The following DPP10 variants were observed in gnomAD, a reference collection of about 807,000 sequenced individuals.
DPP10 encodes inactive dipeptidyl peptidase 10.
Under a neutral mutation model 120.9 loss-of-function variants are expected in DPP10, and 33 were observed. That is an observed-to-expected ratio of 0.27 (90% CI 0.21 to 0.37). The LOEUF is 0.37. DPP10 is among the 10% of genes least tolerant of loss of function. The probability of loss-of-function intolerance (pLI) is 1.00; values close to 1 mark genes in which losing one functional copy is unlikely to be tolerated. For missense variants in DPP10, 816 were observed against 942.8 expected, an observed-to-expected ratio of 0.87 and a Z score of 1.76; for synonymous variants, 337 against 326.1, an observed-to-expected ratio of 1.03 and a Z score of -0.36.
chr2:114,605,527 G>A (rs785032), intron 1 of DPP10, among the ~76,000 whole-genome samples: 23,400 of 151,932 alleles, frequency 0.15, 2,909 homozygotes, highest in African/African-American at 0.35. Flanking sequence ...TACATATAAC[G>A]CACAAATATA....
intron 12 of DPP10, among the ~76,000 whole-genome samples, chr2:115,764,238 T>C (rs1159533154): frequency 6.6e-6 from 1 of 152,098 alleles, no homozygotes; most frequent in African/African-American, 2.4e-5. Flanking sequence ...AAGAAGAGCT[T>C]AATAGATACT....
At chr2:115,139,360 T>A (rs575009143) in intron 1 of DPP10, among the ~76,000 whole-genome samples, 59 of 152,268 alleles carry the variant, frequency 3.9e-4, no homozygotes, top group African/African-American at 6.3e-4. Context: ...TAGATTTTTT[T>A]AATTTTTAAG....
At chr2:114,618,989 C>T (rs1422601069) in intron 1 of DPP10, among the ~76,000 whole-genome samples, 1 of 151,962 alleles carries the variant, frequency 6.6e-6, no homozygotes, top group African/African-American at 2.4e-5. Context: ...GGAATTGCCA[C>T]TACTGATTAG....
intron 1 of DPP10, among the ~76,000 whole-genome samples, chr2:114,539,820 A>C (rs1686812970): frequency 6.6e-6 from 1 of 152,206 alleles, no homozygotes; most frequent in Non-Finnish European, 1.5e-5. Flanking sequence ...CATATACAGC[A>C]CTATATGTAG....
intron 1 of DPP10, among the ~76,000 whole-genome samples, chr2:114,780,815 T>A (rs576644926): frequency 2.2e-3 from 339 of 152,238 alleles, no homozygotes; most frequent in African/African-American, 7.7e-3. Context: ...TTATCTTTAG[T>A]ATCATGAATG....
intron 1 of DPP10, among the ~76,000 whole-genome samples, chr2:114,512,784 A>G (rs1053316439): frequency 2.0e-5 from 3 of 152,354 alleles, no homozygotes; most frequent in African/African-American, 7.2e-5. Flanking sequence ...TAAACTTCCC[A>G]GGTGCCAGTA....
chr2:115,605,979 G>A (rs939575490), intron 5 of DPP10, among the ~76,000 whole-genome samples: 1 of 152,056 alleles, frequency 6.6e-6, no homozygotes, highest in Non-Finnish European at 1.5e-5. Flanking sequence ...ATCACTAGAT[G>A]ATATTGTGTC....
At chr2:115,716,043 G>A (rs1434848809) in intron 7 of DPP10, among the ~76,000 whole-genome samples, 2 of 152,178 alleles carry the variant, frequency 1.3e-5, no homozygotes, top group Non-Finnish European at 2.9e-5. Flanking sequence ...CCTTTTAGAA[G>A]GATTAAGAGA....
At chr2:114,847,525 G>T (rs749002945) in intron 1 of DPP10, among the ~76,000 whole-genome samples, 15 of 152,090 alleles carry the variant, frequency 9.9e-5, no homozygotes, top group Non-Finnish European at 2.2e-4. Flanking sequence ...TTGTAACAGT[G>T]CCTAACACAT....
intron 1 of DPP10, among the ~76,000 whole-genome samples, chr2:114,545,988 C>T (rs1258266941): frequency 6.6e-6 from 1 of 152,016 alleles, no homozygotes; most frequent in Non-Finnish European, 1.5e-5. Context: ...TTTATATACT[C>T]ATATTGATGG....
intron 1 of DPP10, among the ~76,000 whole-genome samples, chr2:114,851,066 C>T (rs776162927): frequency 9.9e-5 from 15 of 152,168 alleles, no homozygotes; most frequent in Non-Finnish European, 1.0e-4. Flanking sequence ...ATTTTAATTT[C>T]GTACCTTGAC....
chr2:115,397,746 T>A (rs2067784719), intron 3 of DPP10, among the ~76,000 whole-genome samples: 2 of 152,330 alleles, frequency 1.3e-5, no homozygotes, highest in Admixed American at 1.3e-4. Context: ...TGGCTGTGAT[T>A]TTCCGGTTAC....
At chr2:114,633,860 T>G (rs961776989) in intron 1 of DPP10, among the ~76,000 whole-genome samples, 1 of 151,736 alleles carries the variant, frequency 6.6e-6, no homozygotes, top group African/African-American at 2.4e-5. Context: ...AGTGATCCGC[T>G]GGCCTTAGCC....
chr2:115,156,545 A>G lies in DPP10; in HGVS notation c.61-152694A>G, dbSNP rs182443775. 3.3e-5 allele frequency among the ~76,000 whole-genome samples: 5 copies of G among 152,340 alleles called. No homozygotes were observed. The East Asian group carries it at 9.6e-4, about 29-fold the overall frequency. On this transcript the variant is annotated intron_variant, in intron 1 of 25. Coordinates refer to ENST00000410059, the MANE Select transcript of DPP10 (RefSeq NM_020868.6). ...TCTTACAGTAGAATTTTCTCTTTCG[A>G]TTTGTAAAAGATTTTCTAGAATGGG...
chr2:115,372,972 T>C (rs371743635), intron 3 of DPP10, among the ~76,000 whole-genome samples: 51 of 152,348 alleles, frequency 3.3e-4, no homozygotes, highest in African/African-American at 1.2e-3. Flanking sequence ...TTGTTGATGC[T>C]GTCAAGTTAT....
intron 1 of DPP10, among the ~76,000 whole-genome samples, chr2:114,604,506 C>A (rs139279760): frequency 1.3e-5 from 2 of 152,166 alleles, no homozygotes; most frequent in African/African-American, 2.4e-5. Context: ...AGGCAATGAA[C>A]AATCTACCAA....
Position 115,316,343 on chromosome 2 carries a change from T to C in DPP10, c.175+6990T>C, listed in dbSNP as rs1574398061. 2.6e-5 allele frequency among the ~76,000 whole-genome samples: 4 copies of C among 152,334 alleles called. No individual in the cohort carries two copies. In the East Asian group the frequency reaches 7.7e-4, roughly 29 times the overall value. On this transcript the variant is annotated intron_variant, in intron 2 of 25. Coordinates refer to ENST00000410059, the MANE Select transcript of DPP10 (RefSeq NM_020868.6). The stretch of plus-strand genomic sequence containing the variant: ...CCTTGTAATATAAGTTAAGACATAT[T>C]CTTGTGCCCATGGATGATAGGGGCA...
intron 1 of DPP10, among the ~76,000 whole-genome samples, chr2:114,462,680 T>C (rs574612408): frequency 3.3e-5 from 5 of 152,174 alleles, no homozygotes; most frequent in African/African-American, 4.8e-5. Context: ...GTGTTTCAGG[T>C]GTCTCCACTA....
chr2:114,899,052 G>A (rs1451295594), intron 1 of DPP10, among the ~76,000 whole-genome samples: 1 of 151,734 alleles, frequency 6.6e-6, no homozygotes. Context: ...TATTAACTAT[G>A]TAGATGAATA....
Sources: gnomAD v4.1 joint callset for allele counts (sites outside exome capture counted in the v4.1 genomes callset) on GRCh38, gnomAD v4.1.1 for gene constraint, MANE v1.5 for transcripts, NCBI Gene and HGNC (gene_info 2026-07-23, HGNC 2026-07-21) for gene names.